Variants in ADAM22 observed in about 807,000 individuals in gnomAD.
ADAM22 encodes ADAM metallopeptidase domain 22, also known as disintegrin and metalloproteinase domain-containing protein 22.
In ADAM22, 65 loss-of-function variants were observed where a neutral mutation model predicts 144.6. The observed-to-expected ratio is 0.45, with a 90% CI of 0.37 to 0.55. ADAM22 has a LOEUF of 0.55. ADAM22 is among the 20% of genes least tolerant of loss of function. ADAM22 has a pLI of 0.00. For synonymous variants in ADAM22, 391 were observed against 412.6 expected, an observed-to-expected ratio of 0.95 and a Z score of 0.63; for missense variants, 974 against 1,184.9, an observed-to-expected ratio of 0.82 and a Z score of 2.61.
chr7:88,129,519 T>A (rs193226778), intron 9 of ADAM22, among the ~76,000 whole-genome samples: 1 of 152,182 alleles, frequency 6.6e-6, no homozygotes, highest in Admixed American at 6.5e-5. Flanking sequence ...TGCTTCCTTG[T>A]TCAAGCTAGG....
At chr7:88,129,304 A>C (rs1472065737) in intron 9 of ADAM22, among the ~76,000 whole-genome samples, 2 of 152,058 alleles carry the variant, frequency 1.3e-5, no homozygotes, top group Non-Finnish European at 2.9e-5. Context: ...TGTTCTATGT[A>C]ACCAAAGTTT....
intron 3 of ADAM22, among the ~76,000 whole-genome samples, chr7:88,028,460 A>G (rs528202934): frequency 1.3e-5 from 2 of 152,262 alleles, no homozygotes; most frequent in East Asian, 3.9e-4. Context: ...TTCTGTAGCT[A>G]TTGGATGAAA....
chr7:88,171,710 AT>A, intron 26 of ADAM22, 149 bp downstream of exon 26: 2 of 572,728 alleles, frequency 3.5e-6, no homozygotes, highest in South Asian at 7.0e-5. Flanking sequence ...TCTTGAGGTA[AT>A]TTTAATGATG....
chr7:87,998,056 A>C (rs1791647690), intron 3 of ADAM22, among the ~76,000 whole-genome samples: 2 of 152,196 alleles, frequency 1.3e-5, no homozygotes, highest in African/African-American at 4.8e-5. Context: ...CAAAAGCTGA[A>C]GAACTTGGAG....
intron 2 of ADAM22, among the ~76,000 whole-genome samples, chr7:87,952,538 G>A (rs1196216527): frequency 6.6e-6 from 1 of 151,908 alleles, no homozygotes; most frequent in Non-Finnish European, 1.5e-5. Flanking sequence ...GCTGGATTCG[G>A]TTTGCCAGTA....
At position 87,934,438 on chromosome 7, in the gene ADAM22, TCGGGCGAGG is replaced by T; in HGVS notation, c.-22_-14del. The T allele has an allele frequency of 1.3e-6, 2 of 1,575,790 alleles. No individual in the cohort carries two copies. Among genetic ancestry groups the T allele is most frequent in the East Asian group, 2.3e-5 (1 of 42,836 alleles). Reference sequence around the variant, plus strand: ...GCGCCGGCATGAGGAGCTGAGCGTCTCGGGCGAGGCGGGCTGACGGCAGCACCATGCAGG... The same window carrying T: ...GCGCCGGCATGAGGAGCTGAGCGTCTCGGGCTGACGGCAGCACCATGCAGG... On this transcript the variant is annotated 5_prime_UTR_variant, in exon 1 of 32. Transcript: ENST00000413139.
chr7:88,151,457 G>A (rs1838364413), intron 20 of ADAM22, 137 bp downstream of exon 20: 4 of 960,964 alleles, frequency 4.2e-6, no homozygotes, highest in African/African-American at 1.7e-5. Context: ...CTTAGCAGGG[G>A]CATGTTTCTG....
In ADAM22 at chr7:88,182,195, T is replaced by G. The variant is rs150538169; in HGVS notation, c.2663+171T>G. 5.0e-6 allele frequency: 3 copies of G among 594,948 alleles called. No homozygotes were observed. In the East Asian group the frequency reaches 8.7e-5, roughly 17 times the overall value. The allele number at this position is 594,948 out of a possible 1,614,324, so 36.9% of individuals were successfully genotyped here. A position where few individuals can be genotyped will look rare whatever the true frequency, so the allele number is the denominator to read the frequency against. On this transcript the variant is annotated intron_variant, in intron 29 of 31. Coordinates refer to ENST00000413139, the MANE Select transcript of ADAM22 (RefSeq NM_001324418.2). ...TTAACCATGGCTTTTCTCTCTTACA[T>G]AGGCATCTCCACAACTGTTCCCATA...
chr7:88,085,838 C>T (rs944034486), intron 4 of ADAM22, among the ~76,000 whole-genome samples: 5 of 152,106 alleles, frequency 3.3e-5, no homozygotes, highest in African/African-American at 9.7e-5. Context: ...GTTTTATCAC[C>T]AAAGCATGTA....
chr7:87,937,178 G>A (rs1243876547), intron 2 of ADAM22, among the ~76,000 whole-genome samples: 1 of 152,150 alleles, frequency 6.6e-6, no homozygotes, highest in Non-Finnish European at 1.5e-5. Flanking sequence ...GGCTGGCCTT[G>A]AACTCCTGGG....
intron 3 of ADAM22, among the ~76,000 whole-genome samples, chr7:87,981,132 C>T (rs1455959348): frequency 6.6e-6 from 1 of 152,090 alleles, no homozygotes; most frequent in Non-Finnish European, 1.5e-5. Context: ...TGTTTCCTTT[C>T]AGCAGAATTC....
chr7:87,990,181 C>T (rs765443623), intron 3 of ADAM22, among the ~76,000 whole-genome samples: 2 of 151,998 alleles, frequency 1.3e-5, no homozygotes, highest in African/African-American at 4.8e-5. Flanking sequence ...GACATGACAA[C>T]GTGGTCTGAG....
chr7:87,973,831 C>T (rs1356344406), intron 2 of ADAM22, among the ~76,000 whole-genome samples: 6 of 151,894 alleles, frequency 4.0e-5, no homozygotes, highest in East Asian at 3.9e-4. Context: ...AGCAAACTAT[C>T]GTGAGGACAA....
chr7:88,133,015 A>G, intron 12 of ADAM22, 64 bp downstream of exon 12: 1 of 1,441,432 alleles, frequency 6.9e-7, no homozygotes, highest in Non-Finnish European at 9.7e-7. Flanking sequence ...CCTCATACTT[A>G]AGAGATAATT....
chr7:88,154,401 C>G (rs1839313182), intron 21 of ADAM22, among the ~76,000 whole-genome samples: 1 of 152,096 alleles, frequency 6.6e-6, no homozygotes, highest in African/African-American at 2.4e-5. Flanking sequence ...GCTCTATAAT[C>G]CTCCAGAAGC....
chr7:88,168,147 C>T lies in ADAM22; in HGVS notation c.2202C>T (p.Gly734=). ...GITLSGNGVA[G]TNIIIGIIAG... is the part of the protein sequence containing the mutation. ...TTTTTTTCCTCTCAGGTGTTGCTGG[C>T]ACCAATATCATAATAGGCATAATTG... Residue 734 remains glycine (G), a synonymous_variant, in exon 25 of 32, where the codon GGC becomes GGT. Coordinates refer to ENST00000413139, the MANE Select transcript of ADAM22 (RefSeq NM_001324418.2). 3 of 1,613,006 alleles carry T rather than the reference C, an allele frequency of 1.9e-6. No homozygotes were observed. The South Asian group carries it at 3.3e-5, about 18-fold the overall frequency.
chr7:88,021,903 C>T (rs987938829), intron 3 of ADAM22, among the ~76,000 whole-genome samples: 13 of 151,330 alleles, frequency 8.6e-5, no homozygotes, highest in Admixed American at 5.9e-4. Flanking sequence ...GACAGGGTCT[C>T]GCTCTGTCGC....
At chr7:88,052,779 A>G (rs1439901192) in intron 3 of ADAM22, among the ~76,000 whole-genome samples, 1 of 152,126 alleles carries the variant, frequency 6.6e-6, no homozygotes, top group African/African-American at 2.4e-5. Context: ...CCGGTCAGCT[A>G]TCCTGTTTGC....
chr7:88,152,139 A>T (rs1273161280), intron 20 of ADAM22, among the ~76,000 whole-genome samples: 1 of 152,204 alleles, frequency 6.6e-6, no homozygotes, highest in African/African-American at 2.4e-5. Flanking sequence ...GGGATGGGAA[A>T]ACATTTAGTC....
Sources: allele counts gnomAD v4.1 joint callset (sites outside exome capture counted in the v4.1 genomes callset), GRCh38; gene constraint gnomAD v4.1.1; transcripts MANE v1.5; gene names NCBI Gene and HGNC (gene_info 2026-07-23, HGNC 2026-07-21).